Variants in MUC4 observed in about 807,000 individuals in gnomAD.
The protein encoded by MUC4 is mucin 4, cell surface associated, also known as mucin-4.
Under a neutral mutation model 257.9 loss-of-function variants are expected in MUC4, and 202 were observed. The ratio of observed to expected loss-of-function variants is 0.78; its 90% CI spans 0.70 to 0.88. The LOEUF is 0.88. Among genes scored for constraint, MUC4 ranks in the 40% least tolerant of loss-of-function variants. MUC4 has a pLI of 0.00. For missense variants in MUC4, 5,976 were observed against 6,513.7 expected, an observed-to-expected ratio of 0.92 and a Z score of 2.84; for synonymous variants, 2,351 against 2,757.1, an observed-to-expected ratio of 0.85 and a Z score of 4.62.
rs190624598 is a variant in MUC4, at chr3:195,780,053, C to T, written c.11527G>A (p.Val3843Ile). 11,202 of 760,324 alleles carry T rather than the reference C, an allele frequency of 0.015. 3,219 individuals carry two copies. Among genetic ancestry groups the T allele is most frequent in the Non-Finnish European group, 0.017 (10,261 of 591,296 alleles). The allele number at this position is 760,324 out of a possible 1,614,324, so 47.1% of individuals were successfully genotyped here. The change falls in exon 2 of 25, where the codon GTC (valine) becomes ATC (isoleucine). Residue 3843 changes from valine (V) to isoleucine (I), a missense_variant. This residue lies in a region of MUC4 where 330 missense variants were observed against 262.0 expected (regional missense o/e 1.26). Coordinates refer to ENST00000463781, the MANE Select transcript of MUC4 (RefSeq NM_018406.7). ...ASTGHATPLP[V>I]TIPSSVSTGD... ...GTGGATACTGAGGAAGGGATGGTGA[C>T]AGGAAGAGGGGTGGCGTGACCTGTG...
chr3:195,780,091 G>C lies in MUC4; in HGVS notation c.11489C>G (p.Ala3830Gly). ...GGCGTGACCTGTGGATGCTGAGGAAGCGTCGGTGACAGGAAGAGGGGTGGT... is the reference window on the plus strand; with the variant it reads ...GGCGTGACCTGTGGATGCTGAGGAACCGTCGGTGACAGGAAGAGGGGTGGT... ...GDTTPLPVTDASSASTGHATP... is the reference protein window; with the variant it reads ...GDTTPLPVTDGSSASTGHATP... The change falls in exon 2 of 25, where the codon GCT becomes GGT. Residue 3830 changes from alanine (A) to glycine (G), a missense_variant. Ala to Gly is a moderately conservative substitution (Grantham distance 60, BLOSUM62 0). Coordinates refer to ENST00000463781, the MANE Select transcript of MUC4 (RefSeq NM_018406.7). The C allele has an allele frequency of 3.9e-6, 3 of 772,782 alleles. No homozygotes were observed. The South Asian group carries it at 7.0e-5, about 18-fold the overall frequency. The allele number at this position is 772,782 out of a possible 1,614,324, so 47.9% of individuals were successfully genotyped here.
In MUC4 at chr3:195,757,190, C is replaced by CAG. The variant is rs771638420; in HGVS notation, c.15124_15125insCT (p.Cys5042SerfsTer61). ...CACCCTGCTGGTCTGATTGTACAAA[C>CAG]ACTGGCTCTCTGCATTGCAATGGCA... On this transcript the variant is annotated frameshift_variant, in exon 18 of 25. Coordinates refer to ENST00000463781, the MANE Select transcript of MUC4 (RefSeq NM_018406.7). LOFTEE classifies it high-confidence loss of function. The surrounding 1 kb of genome is among the most constrained non-coding windows in gnomAD (Gnocchi z 4.8). The CAG allele has an allele frequency of 6.2e-7, 1 of 1,612,034 alleles. No homozygotes were observed. The highest frequency in any genetic ancestry group is 8.5e-7 in the Non-Finnish European group (1 of 1,178,416).
At chr3:195,794,121 A>C (rs1366855459) in intron 1 of MUC4, among the ~76,000 whole-genome samples, 2 of 50,456 alleles carry the variant, frequency 4.0e-5, no homozygotes, top group African/African-American at 7.7e-5. Context: ...ATAGATATTA[A>C]ATAAATAAAG....
In MUC4 at chr3:195,788,033, T is replaced by C. The variant is rs537836678; in HGVS notation, c.3547A>G (p.Thr1183Ala). The C allele has an allele frequency of 2.3e-3, 3,320 of 1,442,986 alleles. 178 individuals are homozygous for C. Among genetic ancestry groups the C allele is most frequent in the Non-Finnish European group, 2.7e-3 (2,949 of 1,086,670 alleles). The allele number at this position is 1,442,986 out of a possible 1,614,324, so 89.4% of individuals were successfully genotyped here. A position where few individuals can be genotyped will look rare whatever the true frequency, so the allele number is the denominator to read the frequency against. Residue 1183 changes from threonine to alanine, a missense_variant, in exon 2 of 25, where the codon ACG becomes GCG. Transcript: ENST00000463781. ...SLSSVSTGDT[T>A]PLPVTSPSSA... ...GAAGGGCTAGTGACAGGAAGAGGCG[T>C]GGTGTCACCTGTGGATACTGAGGAA...
rs773530777 is a variant in MUC4, at chr3:195,790,666, T to A, written c.914A>T (p.Gln305Leu). The A allele has an allele frequency of 6.2e-7, 1 of 1,614,008 alleles. No homozygotes were observed. Among genetic ancestry groups the A allele is most frequent in the Admixed American group, 1.7e-5 (1 of 60,028 alleles). ...AGTCCTTGAGAAAGTTGCTGGTGAT[T>A]GTCCTTCTGGATCAAATGTTACTAA... ...AALVTFDPEG[Q>L]SPATFSRTST... The change falls in exon 2 of 25, where the codon CAA (glutamine) becomes CTA (leucine). Residue 305 changes from glutamine (Q) to leucine (L), a missense_variant. Gln to Leu is a moderately radical substitution (Grantham distance 113). Coordinates refer to ENST00000463781, the MANE Select transcript of MUC4 (RefSeq NM_018406.7).
At position 195,785,418 on chromosome 3, in the gene MUC4, A is replaced by C. The variant is rs1379065785; in HGVS notation, c.6162T>G (p.Leu2054=). The C allele has an allele frequency of 2.0e-6, 3 of 1,510,282 alleles. No individual in the cohort carries two copies. The highest frequency in any genetic ancestry group is 1.4e-5 in the African/African-American group (1 of 69,872). The allele number at this position is 1,510,282 out of a possible 1,614,324, so 93.6% of individuals were successfully genotyped here. Residue 2054 remains leucine, a synonymous_variant, in exon 2 of 25, where the codon CTT becomes CTG. Transcript: ENST00000463781. ...TGGTGTCACCTGTGGATACTGAGGA[A>C]AGGCTGGTGACAGGAAGAGGGGTGT... is the stretch of plus-strand genomic sequence containing the variant. ...GQDTPLPVTS[L]SSVSTGDTTP... is the part of the protein sequence containing the mutation.
intron 8 of MUC4, 57 bp from the exon 9 acceptor site, chr3:195,765,506 T>C (rs751516997): frequency 1.4e-5 from 22 of 1,539,606 alleles, no homozygotes; most frequent in Middle Eastern, 1.8e-4. Flanking sequence ...GCAGGCCCTG[T>C]CTCAGCTTTA....
chr3:195,757,361 G>C lies in MUC4; in HGVS notation c.14987-33C>G, dbSNP rs368926047. 9 of 1,569,298 alleles carry C rather than the reference G, an allele frequency of 5.7e-6. No individual in the cohort carries two copies. The highest frequency in any genetic ancestry group is 1.3e-5 in the African/African-American group (1 of 74,280). ...GGGGAAGATGAGAATGTTGAGAGCT[G>C]GGAGACTCCTCGGCTCTGTGGTCTG... On this transcript the variant is annotated intron_variant, in intron 17 of 24. Coordinates refer to ENST00000463781, the MANE Select transcript of MUC4 (RefSeq NM_018406.7). The surrounding 1 kb of genome is among the most constrained non-coding windows in gnomAD (Gnocchi z 4.8).
In MUC4 at chr3:195,763,563, A is replaced by G; in HGVS notation, c.14123T>C (p.Leu4708Pro). 6.3e-7 allele frequency: 1 copy of G among 1,593,270 alleles called. No individual in the cohort carries two copies. Among genetic ancestry groups the G allele is most frequent in the Non-Finnish European group, 8.6e-7 (1 of 1,169,102 alleles). ...YTFNGLGDFL[L>P]VGAQDGNSSF... ...GGAGTTCCCGTCTTGGGCCCCGACC[A>G]GCAGGAAGTCCCCCAGCCCATTGAA... The change falls in exon 12 of 25, where the codon CTG becomes CCG. Residue 4708 changes from leucine (L) to proline (P), a missense_variant. Physicochemically the swap from Leu to Pro is moderately conservative, Grantham distance 98. Coordinates refer to ENST00000463781, the MANE Select transcript of MUC4 (RefSeq NM_018406.7).
chr3:195,776,819 G>C (rs1331087336), intron 3 of MUC4, among the ~76,000 whole-genome samples: 1,077 of 25,588 alleles, frequency 0.042, 3 homozygotes, highest in East Asian at 0.1. Flanking sequence ...ACCTTCCACG[G>C]CCATACCTTC....
chr3:195,774,285 C>T lies in MUC4; in HGVS notation c.12964G>A (p.Gly4322Arg). The T allele has an allele frequency of 1.3e-6, 2 of 1,570,984 alleles. No homozygotes were observed. Among genetic ancestry groups the T allele is most frequent in the Non-Finnish European group, 1.7e-6 (2 of 1,160,948 alleles). The stretch of plus-strand genomic sequence containing the variant: ...AACTCCAGGTCCCCGGCGCCTGCCC[C>T]ATAGGGGAAGAGGGAAACTCCTGGG... ...PERGVSLFPY[G>R]AGAGDLEFVR... The change falls in exon 4 of 25, where the codon GGG (glycine) becomes AGG (arginine). Residue 4322 changes from glycine (G) to arginine (R), a missense_variant. By Grantham distance (125) the Gly-to-Arg change is moderately radical. Coordinates refer to ENST00000463781, the MANE Select transcript of MUC4 (RefSeq NM_018406.7).
chr3:195,767,877 T>TCACCAC (rs1158274748), intron 7 of MUC4, among the ~76,000 whole-genome samples: 3 of 74,802 alleles, frequency 4.0e-5, no homozygotes, highest in East Asian at 3.6e-4. Flanking sequence ...ACCACCACCA[T>TCACCAC]CACCACCATC....
intron 8 of MUC4, among the ~76,000 whole-genome samples, chr3:195,766,226 G>A (rs1720458439): frequency 1.3e-5 from 2 of 152,286 alleles, no homozygotes; most frequent in East Asian, 3.9e-4. Context: ...CTCCCAAAAT[G>A]CTGGGATTAC....
Position 195,757,462 on chromosome 3 carries a change from C to G in MUC4, c.14987-134G>C. The stretch of plus-strand genomic sequence containing the variant: ...CCAGACAAATCTCATTGGTCATTTC[C>G]TTTGAGCAAGGCTGGTATCGGGGGT... On this transcript the variant is annotated intron_variant, in intron 17 of 24. Coordinates refer to ENST00000463781, the MANE Select transcript of MUC4 (RefSeq NM_018406.7). This position sits in a 1 kb window ranked among gnomAD's most constrained non-coding sequence, Gnocchi z 4.8. 1 of 854,954 alleles carries G rather than the reference C, an allele frequency of 1.2e-6. No homozygotes were observed. Among genetic ancestry groups the G allele is most frequent in the South Asian group, 1.8e-5 (1 of 54,968 alleles). 53.0% of individuals were successfully genotyped at this position (854,954 alleles called of 1,614,324 possible). A position where few individuals can be genotyped will look rare whatever the true frequency, so the allele number is the denominator to read the frequency against.
chr3:195,780,331 G>C lies in MUC4; in HGVS notation c.11249C>G (p.Thr3750Ser). ...GGCGTGACCTGTGGATGCTGAGGAA[G>C]TGCTGGTGACAGGAAGAGGGGTGAC... is the stretch of plus-strand genomic sequence containing the variant. The part of the protein sequence containing the change: ...GHVTPLPVTS[T>S]SSASTGHATP... The change falls in exon 2 of 25, where the codon ACT (threonine) becomes AGT (serine). Residue 3750 changes from threonine (T) to serine (S), a missense_variant. By Grantham distance (58) the Thr-to-Ser change is moderately conservative. Coordinates refer to ENST00000463781, the MANE Select transcript of MUC4 (RefSeq NM_018406.7). The C allele has an allele frequency of 3.9e-6, 6 of 1,526,124 alleles. No individual in the cohort carries two copies. Among genetic ancestry groups the C allele is most frequent in the Non-Finnish European group, 5.3e-6 (6 of 1,132,098 alleles). 94.5% of individuals were successfully genotyped at this position (1,526,124 alleles called of 1,614,324 possible).
At chr3:195,773,160 CT>C in intron 4 of MUC4, among the ~76,000 whole-genome samples, 1 of 148,384 alleles carries the variant, frequency 6.7e-6, no homozygotes, top group Non-Finnish European at 1.5e-5. Context: ...TGTAGACACC[CT>C]CTCTCCATCG....
chr3:195,758,923 G>A (rs1055609514), intron 17 of MUC4, among the ~76,000 whole-genome samples: 2 of 152,000 alleles, frequency 1.3e-5, no homozygotes, highest in Non-Finnish European at 2.9e-5. Flanking sequence ...CCAAACCGCC[G>A]TAAGCCCGTC....
In MUC4 at chr3:195,788,532, T is replaced by C. The variant is rs199583597; in HGVS notation, c.3048A>G (p.Ser1016=). ...GAGGGGTGGTGTGACCTGTGGATAC[T>C]GAGGAAGGGCTGGTGACAGGAAGAG... is the stretch of plus-strand genomic sequence containing the variant. The part of the protein sequence containing the change: ...ATPLPVTSPS[S]VSTGHTTPLP... The change falls in exon 2 of 25, where the codon TCA becomes TCG. Residue 1016 remains serine (S), a synonymous_variant. Transcript: ENST00000463781. The C allele has an allele frequency of 7.2e-4, 1,034 of 1,440,044 alleles. 1 individual carries two copies. In the African/African-American group the frequency reaches 0.012, roughly 16 times the overall value. The allele number at this position is 1,440,044 out of a possible 1,614,324, so 89.2% of individuals were successfully genotyped here. A position where few individuals can be genotyped will look rare whatever the true frequency, so the allele number is the denominator to read the frequency against.
intron 2 of MUC4, 48 bp downstream of exon 2, chr3:195,778,742 G>T (rs373246795): frequency 6.5e-7 from 1 of 1,539,586 alleles, no homozygotes; most frequent in Non-Finnish European, 8.8e-7. Flanking sequence ...GCTGAATTCC[G>T]CCAAGGGGCC....
Sources: allele counts gnomAD v4.1 joint callset (sites outside exome capture counted in the v4.1 genomes callset), GRCh38; gene constraint gnomAD v4.1.1; regional missense constraint gnomAD v4.1.1; non-coding constraint Gnocchi (gnomAD v3.1); transcripts MANE v1.5; gene names NCBI Gene and HGNC (gene_info 2026-07-23, HGNC 2026-07-21).